The following PCDHGB1 variants were observed in gnomAD, a reference collection of about 807,000 sequenced individuals.
PCDHGB1 encodes protocadherin gamma-B1.
In PCDHGB1, 34 loss-of-function variants were observed where a neutral mutation model predicts 56.6. The ratio of observed to expected loss-of-function variants is 0.60; its 90% CI spans 0.46 to 0.80. The LOEUF (loss-of-function observed/expected upper bound fraction) is 0.80. Ranked by LOEUF, PCDHGB1 falls within the 30% of genes least tolerant of loss-of-function variation. The probability of loss-of-function intolerance (pLI) is 0.00; values close to 1 mark genes in which losing one functional copy is unlikely to be tolerated. For synonymous variants in PCDHGB1, 561 were observed against 505.9 expected, an observed-to-expected ratio of 1.11 and a Z score of -1.46; for missense variants, 1,278 against 1,204.6, an observed-to-expected ratio of 1.06 and a Z score of -0.90.
chr5:141,372,210 T>A, intron 1 of PCDHGB1: 3 of 1,613,574 alleles, frequency 1.9e-6, no homozygotes, highest in Non-Finnish European at 2.5e-6. Flanking sequence ...CTGGCTGTCC[T>A]ACCACATTGT....
At chr5:141,394,705 C>G (rs1245348426) in intron 1 of PCDHGB1, 9 of 1,613,256 alleles carry the variant, frequency 5.6e-6, no homozygotes, top group Non-Finnish European at 7.6e-6. Flanking sequence ...ACGGCGCGAG[C>G]CCTGCTGGAC....
At chr5:141,366,214 A>G (rs749592795) in intron 1 of PCDHGB1, 7 of 1,613,810 alleles carry the variant, frequency 4.3e-6, no homozygotes, top group South Asian at 1.1e-5. Flanking sequence ...AGGTGCGCAC[A>G]GCGCGAGCCC....
chr5:141,447,208 C>T (rs1226099966), intron 1 of PCDHGB1, among the ~76,000 whole-genome samples: 1 of 152,078 alleles, frequency 6.6e-6, no homozygotes, highest in Non-Finnish European at 1.5e-5. Flanking sequence ...GGCTTGATCT[C>T]GGCTCACTGC....
intron 1 of PCDHGB1, chr5:141,404,701 G>T (rs563319884): frequency 6.2e-7 from 1 of 1,614,074 alleles, no homozygotes; most frequent in African/African-American, 1.3e-5. Flanking sequence ...GCTCTGCAGA[G>T]CCTGGCTACC....
chr5:141,404,695 TGCAGAGCC>T, intron 1 of PCDHGB1: 1 of 1,614,122 alleles, frequency 6.2e-7, no homozygotes, highest in Non-Finnish European at 8.5e-7. Flanking sequence ...CACCCCGCTC[TGCAGAGCC>T]TGGCTACCTG....
chr5:141,377,011 C>T (rs911303450), intron 1 of PCDHGB1: 6 of 155,270 alleles, frequency 3.9e-5, no homozygotes, highest in Non-Finnish European at 5.7e-5. Context: ...TATTGGTTGA[C>T]AGGAAAATTC....
intron 1 of PCDHGB1, chr5:141,394,160 T>G (rs749389529): frequency 1.7e-5 from 27 of 1,613,534 alleles, no homozygotes; most frequent in Non-Finnish European, 2.3e-5. Flanking sequence ...ACGACAACCC[T>G]CCTACTTTCC....
intron 1 of PCDHGB1, chr5:141,428,587 G>T: frequency 4.4e-6 from 1 of 226,768 alleles, no homozygotes; most frequent in Non-Finnish European, 8.9e-6. Context: ...AGTTTCTCTG[G>T]TAGCAAGCTT....
chr5:141,393,348 T>C (rs754496387), intron 1 of PCDHGB1: 16 of 1,613,730 alleles, frequency 9.9e-6, no homozygotes, highest in Non-Finnish European at 1.4e-5. Context: ...TCACCACTTC[T>C]CCCTGGACGT....
intron 1 of PCDHGB1, among the ~76,000 whole-genome samples, chr5:141,482,435 A>G (rs2099559555): frequency 6.6e-6 from 1 of 150,568 alleles, no homozygotes; most frequent in South Asian, 2.1e-4. Flanking sequence ...GATAATACTG[A>G]TATTCACCAT....
chr5:141,393,731 T>C (rs1268576228), intron 1 of PCDHGB1: 1 of 1,613,754 alleles, frequency 6.2e-7, no homozygotes, highest in Non-Finnish European at 8.5e-7. Context: ...TAGCAAAAAG[T>C]CTAGATTATG....
At chr5:141,384,071 C>G in intron 1 of PCDHGB1, 2 of 1,603,192 alleles carry the variant, frequency 1.2e-6, no homozygotes, top group Non-Finnish European at 1.7e-6. Flanking sequence ...GAAAACCTAC[C>G]TTTTAAATTA....
chr5:141,387,634 G>A, intron 1 of PCDHGB1: 3 of 589,412 alleles, frequency 5.1e-6, no homozygotes, highest in South Asian at 2.4e-5. Flanking sequence ...TCTGGGCGCC[G>A]CTGTTGGCCA....
chr5:141,395,273 A>G, intron 1 of PCDHGB1: 1 of 1,543,700 alleles, frequency 6.5e-7, no homozygotes, highest in Non-Finnish European at 8.7e-7. Context: ...TAATTTCCAG[A>G]TGAATTTTAT....
chr5:141,410,206 G>T (rs774541712), intron 1 of PCDHGB1: 2 of 1,614,026 alleles, frequency 1.2e-6, no homozygotes, highest in South Asian at 1.1e-5. Context: ...CAGACAACTT[G>T]CAAGAGATAC....
intron 1 of PCDHGB1, chr5:141,390,402 A>G: frequency 1.5e-6 from 2 of 1,321,630 alleles, no homozygotes; most frequent in Non-Finnish European, 2.1e-6. Flanking sequence ...CATTTTAGGA[A>G]AGTTGTAGTC....
intron 1 of PCDHGB1, chr5:141,423,222 G>A (rs760308436): frequency 1.2e-6 from 2 of 1,613,688 alleles, no homozygotes; most frequent in Non-Finnish European, 1.7e-6. Context: ...CCGTGGCTGT[G>A]GCCGACAGCA....
intron 1 of PCDHGB1, chr5:141,378,346 A>T (rs761383288): frequency 2.0e-5 from 3 of 152,252 alleles, no homozygotes; most frequent in Non-Finnish European, 2.9e-5. Context: ...AACATGGTGA[A>T]ACCCCGTCTC....
chr5:141,419,831 G>A, intron 1 of PCDHGB1: 5 of 1,614,048 alleles, frequency 3.1e-6, no homozygotes, highest in Non-Finnish European at 4.2e-6. Context: ...TTCAGCCACT[G>A]CCACGCTGCA....
Sources: allele counts gnomAD v4.1 joint callset (sites outside exome capture counted in the v4.1 genomes callset), GRCh38; gene constraint gnomAD v4.1.1; transcripts MANE v1.5; gene names NCBI Gene and HGNC (gene_info 2026-07-23, HGNC 2026-07-21).